The following RRAGB variants were observed in gnomAD, a reference collection of about 807,000 sequenced individuals.
RRAGB encodes Ras related GTP binding B.
Under a neutral mutation model 29.3 loss-of-function variants are expected in RRAGB, and 6 were observed. That is an observed-to-expected ratio of 0.21 (90% confidence interval 0.11 to 0.40). The LOEUF (loss-of-function observed/expected upper bound fraction) is 0.40. Among genes scored for constraint, RRAGB ranks in the 10% least tolerant of loss-of-function variants. The pLI, the probability that RRAGB is intolerant of heterozygous loss-of-function variation, is 1.00. For synonymous variants in RRAGB, 101 were observed against 92.5 expected, an observed-to-expected ratio of 1.09 and a Z score of -0.53; for missense variants, 184 against 272.9, an observed-to-expected ratio of 0.67 and a Z score of 2.29.
chrX:55,733,244 T>C (rs1387776098), intron 5 of RRAGB, among the ~76,000 whole-genome samples: 2 of 112,315 alleles, frequency 1.8e-5, no homozygotes, highest in Non-Finnish European at 3.8e-5. Context: ...TCCAGAGTTA[T>C]AAACAAGAGA....
intron 5 of RRAGB, among the ~76,000 whole-genome samples, chrX:55,749,238 C>T (rs1426097258): frequency 2.0e-4 from 15 of 74,780 alleles, no homozygotes; most frequent in Non-Finnish European, 3.9e-4. Context: ...AGGTGAGGGG[C>T]GCCTCTGCCC....
chrX:55,739,049 T>A (rs377350066), intron 5 of RRAGB, among the ~76,000 whole-genome samples: 24 of 112,574 alleles, frequency 2.1e-4, no homozygotes, highest in African/African-American at 7.4e-4. Context: ...CAGGTGTCAG[T>A]GAGACCCACC....
chrX:55,747,841 C>CCACGG (rs2034300379), intron 5 of RRAGB, among the ~76,000 whole-genome samples: 2 of 98,125 alleles, frequency 2.0e-5, no homozygotes, highest in Admixed American at 2.3e-4. Context: ...CTCCCTCTCC[C>CCACGG]TCTCCCCACG....
intron 2 of RRAGB, among the ~76,000 whole-genome samples, chrX:55,721,347 T>G (rs771989145): frequency 1.8e-5 from 2 of 112,159 alleles, no homozygotes; most frequent in South Asian, 7.5e-4. Context: ...GACACTTAAG[T>G]CAGCCTAGAG....
At chrX:55,748,201 G>A (rs772117088) in intron 5 of RRAGB, among the ~76,000 whole-genome samples, 161 of 112,524 alleles carry the variant, frequency 1.4e-3, no homozygotes, top group Non-Finnish European at 1.9e-3. Flanking sequence ...GTGCAGTGGC[G>A]TGATCTCGGC....
chrX:55,733,782 G>A (rs1038777602), intron 5 of RRAGB, among the ~76,000 whole-genome samples: 15 of 110,903 alleles, frequency 1.4e-4, no homozygotes, highest in African/African-American at 2.6e-4. Flanking sequence ...ATGTCCTTTC[G>A]TGGCTTTGGT....
chrX:55,729,334 G>C lies in RRAGB; in HGVS notation c.267G>C (p.Leu89=). Residue 89 remains leucine (L), a synonymous_variant, in exon 4 of 10, where the codon CTG becomes CTC. Coordinates refer to ENST00000374941, the MANE Select transcript of RRAGB (RefSeq NM_006064.5). The part of the protein sequence containing the change: ...EHSHVRFLGN[L]VLNLWDCGGQ... The stretch of plus-strand genomic sequence containing the variant: ...CTCATGTTCGATTTCTGGGAAACCT[G>C]GTATTGAACCTGTGGGATTGTGGTG... The C allele has an allele frequency of 8.3e-7, 1 of 1,200,339 alleles. No homozygotes were observed. The highest frequency in any genetic ancestry group is 1.1e-6 in the Non-Finnish European group (1 of 886,147).
At chrX:55,731,232 T>C (rs2033668031) in intron 4 of RRAGB, 132 bp from the exon 5 acceptor site, 1 of 493,662 alleles carries the variant, frequency 2.0e-6, no homozygotes, top group South Asian at 3.7e-5. Flanking sequence ...GCCAGACTTA[T>C]TTGTTATGAT....
intron 5 of RRAGB, among the ~76,000 whole-genome samples, chrX:55,739,218 C>T (rs1246934909): frequency 1.8e-5 from 2 of 112,914 alleles, no homozygotes; most frequent in Non-Finnish European, 3.8e-5. Flanking sequence ...CAGGCCTCAC[C>T]TCTCCCTGTT....
At chrX:55,720,210 A>G (rs769259769) in intron 2 of RRAGB, among the ~76,000 whole-genome samples, 1 of 112,195 alleles carries the variant, frequency 8.9e-6, no homozygotes, top group South Asian at 3.7e-4. Flanking sequence ...GAATGCCTAA[A>G]AGTACAGAAA....
At chrX:55,731,317 T>C in intron 4 of RRAGB, 47 bp from the exon 5 acceptor site, 1 of 948,888 alleles carries the variant, frequency 1.1e-6, no homozygotes, top group Non-Finnish European at 1.5e-6. Context: ...TAAGTAGGAG[T>C]GATTGAATTG....
chrX:55,733,485 A>G (rs1028466906), intron 5 of RRAGB, among the ~76,000 whole-genome samples: 1 of 35,858 alleles, frequency 2.8e-5, no homozygotes, highest in Non-Finnish European at 8.9e-5. Flanking sequence ...TTCTGTGCCT[A>G]GTTTGTTGGA....
intron 3 of RRAGB, among the ~76,000 whole-genome samples, chrX:55,724,149 A>G (rs1921620533): frequency 8.9e-6 from 1 of 111,757 alleles, no homozygotes; most frequent in South Asian, 3.8e-4. Flanking sequence ...AAATAGTTCA[A>G]ATTCCCTTTC....
Position 55,758,496 on chromosome X carries a change from TA to T in RRAGB, c.*156del. The T allele has an allele frequency of 2.7e-6, 1 of 366,923 alleles. No homozygotes were observed. The highest frequency in any genetic ancestry group is 4.7e-6 in the Non-Finnish European group (1 of 211,448). The allele number at this position is 366,923 out of a possible 1,213,427, so 30.2% of individuals were successfully genotyped here. ...TGTTTAACCTTGAATGCTATTAACTTAAATAGCCATTGAGGAGTTAGAAGAT... is the reference window on the plus strand; with the variant it reads ...TGTTTAACCTTGAATGCTATTAACTTAATAGCCATTGAGGAGTTAGAAGAT... On this transcript the variant is annotated 3_prime_UTR_variant, in exon 10 of 10. Transcript: ENST00000374941.
At chrX:55,740,499 T>G (rs1000622856) in intron 5 of RRAGB, among the ~76,000 whole-genome samples, 8 of 111,939 alleles carry the variant, frequency 7.1e-5, no homozygotes, top group African/African-American at 1.9e-4. Context: ...TTCAACAAAC[T>G]CTTGGAAAGA....
chrX:55,746,951 T>A (rs2034267177), intron 5 of RRAGB, among the ~76,000 whole-genome samples: 1 of 112,581 alleles, frequency 8.9e-6, no homozygotes, highest in Non-Finnish European at 1.9e-5. Flanking sequence ...ACATATTTCC[T>A]TGGTTTTTGT....
chrX:55,726,760 G>A (rs2146749741), intron 3 of RRAGB, among the ~76,000 whole-genome samples: 1 of 111,570 alleles, frequency 9.0e-6, no homozygotes, highest in East Asian at 2.8e-4. Flanking sequence ...GGAAGAAAGG[G>A]GGAGATGATG....
At chrX:55,739,828 C>G (rs1411505450) in intron 5 of RRAGB, among the ~76,000 whole-genome samples, 5 of 111,850 alleles carry the variant, frequency 4.5e-5, no homozygotes, top group African/African-American at 1.6e-4. Flanking sequence ...AAAAAAAAAT[C>G]ACTTTTGATT....
At chrX:55,758,103 A>G (rs1361244150) in intron 9 of RRAGB, 143 bp from the exon 10 acceptor site, 1 of 334,526 alleles carries the variant, frequency 3.0e-6, no homozygotes, top group Non-Finnish European at 5.3e-6. Flanking sequence ...TTAAACCTTG[A>G]TAACTTGGGA....
Sources: gnomAD v4.1 joint callset for allele counts (sites outside exome capture counted in the v4.1 genomes callset) on GRCh38, gnomAD v4.1.1 for gene constraint, MANE v1.5 for transcripts, NCBI Gene and HGNC (gene_info 2026-07-23, HGNC 2026-07-21) for gene names.